The following INSL6 variants were observed in gnomAD, a reference collection of about 807,000 sequenced individuals.
INSL6 encodes insulin-like peptide INSL6.
INSL6 carries 16 observed loss-of-function variants against 9.4 expected under a neutral mutation model. The ratio of observed to expected loss-of-function variants is 1.70; its 90% CI spans 1.15 to 2.59. The LOEUF (loss-of-function observed/expected upper bound fraction) is 2.59, where lower values mean the gene tolerates loss of function less well. Among genes scored for constraint, INSL6 ranks in the 30% most tolerant of loss-of-function variants. The pLI is 0.00. For missense variants in INSL6, 391 were observed against 257.3 expected, an observed-to-expected ratio of 1.52 and a Z score of -3.56; for synonymous variants, 154 against 96.9, an observed-to-expected ratio of 1.59 and a Z score of -3.46.
the INSL6 span, among the ~76,000 whole-genome samples, chr9:5,012,399 CGT>C: frequency 6.6e-6 from 1 of 151,832 alleles, no homozygotes; most frequent in Non-Finnish European, 1.5e-5. Context: ...TTATAATTGT[CGT>C]CATCAGGAAC....
the INSL6 span, among the ~76,000 whole-genome samples, chr9:5,059,213 T>C: frequency 6.6e-6 from 1 of 152,322 alleles, no homozygotes; most frequent in South Asian, 2.1e-4. Context: ...GGTTTCCACA[T>C]GCATCTTCCC....
At chr9:5,040,654 C>A in the INSL6 span, among the ~76,000 whole-genome samples, 1 of 152,254 alleles carries the variant, frequency 6.6e-6, no homozygotes, top group Non-Finnish European at 1.5e-5. Flanking sequence ...AGGCAAGGGA[C>A]TTGGATAGAC....
At chr9:5,112,607 C>A in the INSL6 span, 1 of 826,324 alleles carries the variant, frequency 1.2e-6, no homozygotes. Flanking sequence ...GGAGCTGGGG[C>A]GCATGTGGCA....
At chr9:5,048,342 T>C in the INSL6 span, among the ~76,000 whole-genome samples, 1 of 151,966 alleles carries the variant, frequency 6.6e-6, no homozygotes, top group Non-Finnish European at 1.5e-5. Context: ...GGGGTTTCAC[T>C]ATGTTGGCCA....
the INSL6 span, among the ~76,000 whole-genome samples, chr9:5,031,990 C>T: frequency 6.6e-6 from 1 of 152,252 alleles, no homozygotes; most frequent in African/African-American, 2.4e-5. Context: ...CGCAAAGGGT[C>T]AGGGAATTCC....
At chr9:5,174,739 C>G (rs1425066218) in intron 1 of INSL6, among the ~76,000 whole-genome samples, 1 of 152,188 alleles carries the variant, frequency 6.6e-6, no homozygotes, top group Non-Finnish European at 1.5e-5. Flanking sequence ...TACCTTACTT[C>G]CTACTCAACA....
chr9:5,104,491 G>A, the INSL6 span, among the ~76,000 whole-genome samples: 6 of 152,188 alleles, frequency 3.9e-5, no homozygotes, highest in Non-Finnish European at 7.3e-5. Flanking sequence ...ACAAAGAGGA[G>A]CTGATACCAT....
chr9:5,185,531 G>A lies in INSL6; in HGVS notation c.72C>T (p.Ser24=). 1 of 1,614,086 alleles carries A rather than the reference G, an allele frequency of 6.2e-7. No individual in the cohort carries two copies. The change falls in exon 1 of 2, where the codon AGC becomes AGT. Residue 24 remains serine (S), a synonymous_variant. Transcript: ENST00000381641. ...ACAGCTTCCTGGCACTGCTGATGTC[G>A]CTCAGTTCACGAGAAAACCGAACCA... ...LLLVRFSREL[S]DISSARKLCG...
At chr9:5,093,048 A>G in the INSL6 span, among the ~76,000 whole-genome samples, 1 of 152,162 alleles carries the variant, frequency 6.6e-6, no homozygotes, top group Non-Finnish European at 1.5e-5. Flanking sequence ...AACTCCTAAC[A>G]TTACACTGGT....
chr9:5,113,894 C>A, the INSL6 span: 3 of 224,848 alleles, frequency 1.3e-5, no homozygotes, highest in South Asian at 1.2e-4. Flanking sequence ...ATCTTACAGT[C>A]CTCCTGTGAT....
chr9:5,176,297 A>G (rs887303472), intron 1 of INSL6, among the ~76,000 whole-genome samples: 1 of 152,168 alleles, frequency 6.6e-6, no homozygotes, highest in Non-Finnish European at 1.5e-5. Context: ...CACACTGTTT[A>G]ATACTATACC....
the INSL6 span, among the ~76,000 whole-genome samples, chr9:5,117,349 G>A: frequency 6.6e-6 from 1 of 152,204 alleles, no homozygotes; most frequent in Non-Finnish European, 1.5e-5. Context: ...TTATCCAGGG[G>A]AATAACATGG....
chr9:5,038,527 G>A, the INSL6 span, among the ~76,000 whole-genome samples: 3 of 150,728 alleles, frequency 2.0e-5, no homozygotes, highest in Non-Finnish European at 3.0e-5. Flanking sequence ...CTTGCAAACC[G>A]AATCCAGCAA....
chr9:5,181,185 A>G (rs1333029715), intron 1 of INSL6, among the ~76,000 whole-genome samples: 1 of 152,240 alleles, frequency 6.6e-6, no homozygotes, highest in African/African-American at 2.4e-5. Context: ...TTCAATAAGC[A>G]TACTTTTAAA....
intron 2 of INSL6, among the ~76,000 whole-genome samples, chr9:5,149,164 C>T (rs7858781): frequency 0.023 from 3,465 of 152,282 alleles, 148 homozygotes; most frequent in African/African-American, 0.08. Flanking sequence ...AGTGTGGGGT[C>T]CCCTGTAGCA....
chr9:4,996,961 A>G, the INSL6 span, among the ~76,000 whole-genome samples: 1 of 119,090 alleles, frequency 8.4e-6, no homozygotes, highest in Non-Finnish European at 1.6e-5. Context: ...AGATGGTTTC[A>G]CTGTCACTCA....
At chr9:5,075,101 C>T in the INSL6 span, among the ~76,000 whole-genome samples, 1 of 152,106 alleles carries the variant, frequency 6.6e-6, no homozygotes, top group Non-Finnish European at 1.5e-5. Flanking sequence ...TCTATGAAGG[C>T]TGAGAGAGGT....
the INSL6 span, among the ~76,000 whole-genome samples, chr9:4,999,543 T>C: frequency 2.0e-5 from 3 of 152,262 alleles, no homozygotes; most frequent in South Asian, 4.1e-4. Context: ...AGGATATATA[T>C]ATGAGTTTAT....
At chr9:5,135,737 T>A (rs1824376943) in intron 2 of INSL6, among the ~76,000 whole-genome samples, 1 of 150,726 alleles carries the variant, frequency 6.6e-6, no homozygotes, top group South Asian at 2.1e-4. Flanking sequence ...GCAAACAAAT[T>A]TAAAAGCTAG....
Sources: gnomAD v4.1 joint callset for allele counts (sites outside exome capture counted in the v4.1 genomes callset) on GRCh38, gnomAD v4.1.1 for gene constraint, MANE v1.5 for transcripts, NCBI Gene and HGNC (gene_info 2026-07-23, HGNC 2026-07-21) for gene names.